The following SHISA9 variants were observed in gnomAD, a reference collection of about 807,000 sequenced individuals.
SHISA9 encodes the protein shisa family member 9, also known as protein shisa-9.
Under a neutral mutation model 38.0 loss-of-function variants are expected in SHISA9, and 13 were observed. The observed-to-expected ratio is 0.34, with a 90% CI of 0.22 to 0.54. The LOEUF (loss-of-function observed/expected upper bound fraction) is 0.54, where lower values mean the gene tolerates loss of function less well. Ranked by LOEUF, SHISA9 falls within the 20% of genes least tolerant of loss-of-function variation. The pLI, the probability that SHISA9 is intolerant of heterozygous loss-of-function variation, is 0.91. For missense variants in SHISA9, 538 were observed against 575.8 expected (o/e 0.93, Z 0.67); for synonymous variants, 275 against 242.0 (o/e 1.14, Z -1.27).
the SHISA9 span, among the ~76,000 whole-genome samples, chr16:13,344,531 C>T: frequency 6.6e-6 from 1 of 152,196 alleles, no homozygotes; most frequent in South Asian, 2.1e-4. Context: ...CAGATCCTTG[C>T]AATATGTTTT....
chr16:13,043,414 G>T (rs1301639714), intron 2 of SHISA9, among the ~76,000 whole-genome samples: 5 of 152,136 alleles, frequency 3.3e-5, no homozygotes, highest in Non-Finnish European at 7.3e-5. Flanking sequence ...TCCCACCACG[G>T]GAGGGTATTT....
At chr16:13,016,109 T>G (rs931380650) in intron 2 of SHISA9, among the ~76,000 whole-genome samples, 5 of 150,402 alleles carry the variant, frequency 3.3e-5, no homozygotes, top group Non-Finnish European at 5.9e-5. Flanking sequence ...TGCCTTAGTT[T>G]CCCAAGTAGC....
At chr16:12,988,744 C>A (rs535409757) in intron 2 of SHISA9, among the ~76,000 whole-genome samples, 1 of 152,172 alleles carries the variant, frequency 6.6e-6, no homozygotes, top group Non-Finnish European at 1.5e-5. Flanking sequence ...AGGCTGATCT[C>A]GAACCCCTGA....
chr16:12,939,276 G>C (rs1489124596), intron 2 of SHISA9, among the ~76,000 whole-genome samples: 2 of 152,102 alleles, frequency 1.3e-5, no homozygotes, highest in Non-Finnish European at 2.9e-5. Flanking sequence ...TAGAGACGGG[G>C]TTTCACCATG....
At chr16:12,996,741 G>T in intron 2 of SHISA9, among the ~76,000 whole-genome samples, 1 of 152,200 alleles carries the variant, frequency 6.6e-6, no homozygotes, top group Non-Finnish European at 1.5e-5. Context: ...CCTCCAAGGG[G>T]CCTTTAATTT....
At chr16:13,505,442 A>G in the SHISA9 span, among the ~76,000 whole-genome samples, 2 of 152,212 alleles carry the variant, frequency 1.3e-5, no homozygotes, top group Non-Finnish European at 2.9e-5. Flanking sequence ...GGCTAATCAT[A>G]TCACTCAGTC....
At chr16:13,442,130 A>G in the SHISA9 span, among the ~76,000 whole-genome samples, 1 of 152,330 alleles carries the variant, frequency 6.6e-6, no homozygotes, top group African/African-American at 2.4e-5. Context: ...CAAGTCTCCA[A>G]GAAAGGGCAG....
intron 2 of SHISA9, among the ~76,000 whole-genome samples, chr16:13,134,182 A>G (rs1288180758): frequency 6.6e-6 from 1 of 152,224 alleles, no homozygotes; most frequent in Non-Finnish European, 1.5e-5. Flanking sequence ...TGCCAAGTGT[A>G]AACTAAGCTA....
At chr16:13,078,686 G>A (rs747272385) in intron 2 of SHISA9, among the ~76,000 whole-genome samples, 7 of 152,194 alleles carry the variant, frequency 4.6e-5, no homozygotes, top group East Asian at 1.9e-4. Flanking sequence ...GATTACAGGC[G>A]TGAGCTACCA....
chr16:13,306,331 T>C, the SHISA9 span, among the ~76,000 whole-genome samples: 1 of 152,082 alleles, frequency 6.6e-6, no homozygotes, highest in African/African-American at 2.4e-5. Flanking sequence ...TCAGCTAAGA[T>C]AAAGATCACA....
chr16:13,296,112 A>G, the SHISA9 span, among the ~76,000 whole-genome samples: 2 of 152,146 alleles, frequency 1.3e-5, no homozygotes, highest in South Asian at 4.1e-4. Context: ...TTGTGGTTTC[A>G]GCAGTGATAA....
Position 12,928,314 on chromosome 16 carries a change from T to TTGTGTGTGTGTGTG in SHISA9, c.691+11503_691+11516dup, listed in dbSNP as rs55763909. Among the ~76,000 whole-genome samples, 779 of 151,042 alleles carry TTGTGTGTGTGTGTG rather than the reference T, an allele frequency of 5.2e-3. 7 individuals are homozygous for TTGTGTGTGTGTGTG. Among genetic ancestry groups the TTGTGTGTGTGTGTG allele is most frequent in the Non-Finnish European group, 7.2e-3 (487 of 67,782 alleles). Reference sequence around the variant, plus strand: ...TTGTCATTAGGGGTGCAGAGGTTGGTTGTGTGTGTGTGTGTGTATGTGTGT... The same window carrying TTGTGTGTGTGTGTG: ...TTGTCATTAGGGGTGCAGAGGTTGGTTGTGTGTGTGTGTGTGTGTGTGTGTGTGTGTATGTGTGT... On this transcript the variant is annotated intron_variant, in intron 2 of 4. Transcript: ENST00000558583.
chr16:13,112,339 A>C (rs1352735464), intron 2 of SHISA9, among the ~76,000 whole-genome samples: 1 of 152,144 alleles, frequency 6.6e-6, no homozygotes, highest in Non-Finnish European at 1.5e-5. Flanking sequence ...AGCAAGAAAA[A>C]AGGAAGAAAG....
rs1157241809 is a variant in SHISA9, at chr16:13,168,146, C to G, written c.692-35248C>G. ...TTCAAGCGTGACTGTCTTATGCAAA[C>G]TAACCAATCCAAAGCCCACACCCCC... On this transcript the variant is annotated intron_variant, in intron 2 of 4. Transcript: ENST00000558583. Among the ~76,000 whole-genome samples the G allele has an allele frequency of 4.6e-5, 7 of 152,184 alleles. No homozygotes were observed. The East Asian group carries it at 1.3e-3, about 29-fold the overall frequency.
At chr16:13,475,334 A>G in the SHISA9 span, among the ~76,000 whole-genome samples, 1 of 90,824 alleles carries the variant, frequency 1.1e-5, no homozygotes. Context: ...AATATATATC[A>G]CATATATATG....
intron 2 of SHISA9, among the ~76,000 whole-genome samples, chr16:13,178,081 A>C (rs1025829161): frequency 5.9e-5 from 9 of 152,184 alleles, no homozygotes; most frequent in African/African-American, 2.2e-4. Flanking sequence ...AATCACATCG[A>C]TTTTGAGGTT....
chr16:13,461,577 C>T, the SHISA9 span, among the ~76,000 whole-genome samples: 5 of 122,800 alleles, frequency 4.1e-5, no homozygotes, highest in South Asian at 8.7e-4. Flanking sequence ...AAAACTCCCT[C>T]TCAAAAAAAA....
intron 1 of SHISA9, chr16:12,911,073 C>T (rs1485455816): frequency 5.3e-6 from 1 of 188,062 alleles, no homozygotes; most frequent in Non-Finnish European, 9.9e-6. Flanking sequence ...CCCTGTGACC[C>T]AGTCAAGTTG....
intron 2 of SHISA9, among the ~76,000 whole-genome samples, chr16:12,971,507 G>T (rs2072081890): frequency 6.6e-6 from 1 of 152,206 alleles, no homozygotes; most frequent in South Asian, 2.1e-4. Context: ...AGAGGATGGG[G>T]TGGGGAACTG....
Sources: allele counts gnomAD v4.1 joint callset (sites outside exome capture counted in the v4.1 genomes callset), GRCh38; gene constraint gnomAD v4.1.1; transcripts MANE v1.5; gene names NCBI Gene and HGNC (gene_info 2026-07-23, HGNC 2026-07-21).